The following FRYL variants were observed in gnomAD, a reference collection of about 807,000 sequenced individuals.
FRYL encodes the protein FRY like transcription coactivator, also known as protein furry homolog-like.
A neutral mutation model predicts 351.2 loss-of-function variants in FRYL; 150 were observed. The observed-to-expected ratio is 0.43, with a 90% CI of 0.37 to 0.49. FRYL has a LOEUF of 0.49. Among genes scored for constraint, FRYL ranks in the 20% least tolerant of loss-of-function variants. FRYL has a pLI of 0.00. For synonymous variants in FRYL, 1,153 were observed against 1,257.1 expected (o/e 0.92, Z 1.75); for missense variants, 3,036 against 3,619.3 (o/e 0.84, Z 4.13).
At chr4:48,604,988 A>C (rs1404308918) in intron 11 of FRYL, among the ~76,000 whole-genome samples, 2 of 152,218 alleles carry the variant, frequency 1.3e-5, no homozygotes, top group Non-Finnish European at 2.9e-5. Context: ...CAGTAATTCA[A>C]ACAACTTACA....
intron 1 of FRYL, among the ~76,000 whole-genome samples, chr4:48,724,970 A>C (rs1769921652): frequency 6.6e-6 from 1 of 152,226 alleles, no homozygotes; most frequent in South Asian, 2.1e-4. Flanking sequence ...ACTTTATCCA[A>C]ACAAGCTTAA....
chr4:48,640,324 G>C (rs1755079251), intron 3 of FRYL, among the ~76,000 whole-genome samples: 1 of 152,098 alleles, frequency 6.6e-6, no homozygotes, highest in Admixed American at 6.6e-5. Context: ...ATTATTCAGT[G>C]CTAAAAAGAA....
intron 6 of FRYL, among the ~76,000 whole-genome samples, 169 bp downstream of exon 6, chr4:48,620,470 T>C (rs763726632): frequency 1.3e-5 from 2 of 152,232 alleles, no homozygotes; most frequent in Non-Finnish European, 2.9e-5. Flanking sequence ...TTCTCTTGAT[T>C]TACAGTTTAT....
At chr4:48,772,121 G>T (rs1775575014) in intron 1 of FRYL, among the ~76,000 whole-genome samples, 1 of 152,146 alleles carries the variant, frequency 6.6e-6, no homozygotes. Flanking sequence ...AATAAGTAAG[G>T]TATAAGTATT....
intron 55 of FRYL, among the ~76,000 whole-genome samples, chr4:48,519,643 C>T (rs1724457553): frequency 1.3e-5 from 2 of 151,998 alleles, no homozygotes; most frequent in African/African-American, 2.4e-5. Flanking sequence ...GATGGGACTA[C>T]AGGTGCATGC....
chr4:48,518,317 G>A (rs1391484064), intron 55 of FRYL, among the ~76,000 whole-genome samples: 2 of 152,036 alleles, frequency 1.3e-5, no homozygotes, highest in Admixed American at 6.6e-5. Context: ...TCTCATGTTT[G>A]TGCCCTTAGT....
At chr4:48,710,733 C>G in intron 1 of FRYL, 35 bp from the exon 2 acceptor site, 1 of 396,688 alleles carries the variant, frequency 2.5e-6, no homozygotes, top group Non-Finnish European at 4.4e-6. Context: ...ATGGTCATCA[C>G]TAACAGCCAT....
rs1173050039 is a variant in FRYL at position 48,603,324 on chromosome 4, G to T, written c.899C>A (p.Thr300Asn). The change falls in exon 12 of 64, where the codon ACT becomes AAT. Residue 300 changes from threonine (T) to asparagine (N), a missense_variant. Thr to Asn is a moderately conservative substitution (Grantham distance 65, BLOSUM62 0). Transcript: ENST00000358350. ...KNFVEMLYQT[T>N]FELSSRKKHS... ...CTTCTTTCTCGAGCTCAGTTCAAAA[G>T]TAGTCTGATAAAGCATCTCCACAAA... 14 of 1,612,022 alleles carry T rather than the reference G, an allele frequency of 8.7e-6. No individual in the cohort carries two copies. The highest frequency in any genetic ancestry group is 1.3e-5 in the African/African-American group (1 of 74,828).
At chr4:48,628,127 T>C (rs1186058783) in intron 4 of FRYL, among the ~76,000 whole-genome samples, 2 of 152,224 alleles carry the variant, frequency 1.3e-5, no homozygotes, top group South Asian at 2.1e-4. Context: ...ATTGTCTATG[T>C]AACTCATCAC....
intron 1 of FRYL, among the ~76,000 whole-genome samples, chr4:48,778,139 G>A (rs1776222912): frequency 6.6e-6 from 1 of 152,172 alleles, no homozygotes; most frequent in Admixed American, 6.5e-5. Flanking sequence ...TTGTTTTTGT[G>A]TGTCTTTATT....
chr4:48,764,923 C>A (rs2109387897), intron 1 of FRYL, among the ~76,000 whole-genome samples: 1 of 152,256 alleles, frequency 6.6e-6, no homozygotes, highest in Non-Finnish European at 1.5e-5. Context: ...TGGCTCACTG[C>A]AACCTCCACC....
chr4:48,615,264 T>A (rs1749188920), intron 7 of FRYL, among the ~76,000 whole-genome samples: 1 of 152,236 alleles, frequency 6.6e-6, no homozygotes, highest in Admixed American at 6.5e-5. Flanking sequence ...ATTAGCAGAA[T>A]GACAAGTCAC....
chr4:48,653,621 C>A, intron 3 of FRYL: 1 of 788,610 alleles, frequency 1.3e-6, no homozygotes, highest in Non-Finnish European at 1.8e-6. Context: ...AGCTTTTTAT[C>A]TATTTGGATT....
intron 1 of FRYL, among the ~76,000 whole-genome samples, chr4:48,771,329 C>G (rs1327657916): frequency 2.6e-5 from 4 of 152,104 alleles, no homozygotes; most frequent in Admixed American, 6.5e-5. Flanking sequence ...CCAGTTTAAA[C>G]AAAAATATTT....
Position 48,565,708 on chromosome 4 carries a change from A to G in FRYL, c.3170-17T>C. The G allele has an allele frequency of 6.2e-7, 1 of 1,601,030 alleles. No individual in the cohort carries two copies. The highest frequency in any genetic ancestry group is 2.2e-5 in the East Asian group (1 of 44,804). On this transcript the variant is annotated splice_polypyrimidine_tract_variant and intron_variant, in intron 28 of 63. Transcript: ENST00000358350. ...TCTGGTGCACTGTGAATAAAAAAAG[A>G]TAGAAAACATTTATTTCCATTTCTT... is the stretch of plus-strand genomic sequence containing the variant.
chr4:48,750,659 T>A (rs1374511225), intron 1 of FRYL, among the ~76,000 whole-genome samples: 1 of 152,000 alleles, frequency 6.6e-6, no homozygotes, highest in African/African-American at 2.4e-5. Flanking sequence ...GAATGTGGGA[T>A]GTGAGAGAAA....
At chr4:48,539,043 A>C (rs908232515) in intron 47 of FRYL, among the ~76,000 whole-genome samples, 2 of 152,194 alleles carry the variant, frequency 1.3e-5, no homozygotes, top group Non-Finnish European at 2.9e-5. Flanking sequence ...AACACTTTTA[A>C]ACAAATGTTA....
rs1757172344 is a variant in FRYL, at chr4:48,649,269, C to G, written c.-80-14779G>C. On this transcript the variant is annotated intron_variant, in intron 3 of 63. Transcript: ENST00000358350. ...AAAAAAAAAATCTGAGTATTAAAAACAATTTATGAACTTTTCTCATTGTGC... is the reference window on the plus strand; with the variant it reads ...AAAAAAAAAATCTGAGTATTAAAAAGAATTTATGAACTTTTCTCATTGTGC... Among the ~76,000 whole-genome samples the G allele has an allele frequency of 2.0e-5, 3 of 152,178 alleles. No homozygotes were observed. In the South Asian group the frequency reaches 6.2e-4, roughly 32 times the overall value.
intron 1 of FRYL, among the ~76,000 whole-genome samples, chr4:48,719,936 G>A (rs952822841): frequency 2.6e-5 from 4 of 151,270 alleles, no homozygotes; most frequent in African/African-American, 9.7e-5. Context: ...TGGATCACGA[G>A]GTCCGGAGAT....
Sources: allele counts gnomAD v4.1 joint callset (sites outside exome capture counted in the v4.1 genomes callset), GRCh38; gene constraint gnomAD v4.1.1; transcripts MANE v1.5; gene names NCBI Gene and HGNC (gene_info 2026-07-23, HGNC 2026-07-21).